CCDC188: variants seen among roughly 807,000 people sequenced by gnomAD.
The protein encoded by CCDC188 is coiled-coil domain-containing protein 188.
Under a neutral mutation model 50.7 loss-of-function variants are expected in CCDC188, and 37 were observed. The ratio of observed to expected loss-of-function variants is 0.73; its 90% CI spans 0.56 to 0.96. CCDC188 has a LOEUF of 0.96. Among genes scored for constraint, CCDC188 ranks in the 40% least tolerant of loss-of-function variants. CCDC188 has a pLI of 0.00. For missense variants in CCDC188, 453 were observed against 512.9 expected (o/e 0.88, Z 1.13); for synonymous variants, 208 against 228.0 (o/e 0.91, Z 0.79).
chr22:20,149,530 C>T (rs1219162399), intron 5 of CCDC188, 51 bp downstream of exon 5: 3 of 1,550,020 alleles, frequency 1.9e-6, no homozygotes, highest in Non-Finnish European at 2.6e-6. Flanking sequence ...CCTCCGTGGC[C>T]TCTCGCCCGC....
In CCDC188 at chr22:20,148,710, C is replaced by A; in HGVS notation, c.1113G>T (p.Leu371=). The A allele has an allele frequency of 1.3e-6, 2 of 1,537,310 alleles. No individual in the cohort carries two copies. The highest frequency in any genetic ancestry group is 1.8e-6 in the Non-Finnish European group (2 of 1,140,806). ...TGGCACGGCTCAGCAGGGGTGGCAC[C>A]AGCCCCTCGAAAGGTGTGGGGTTCA... The part of the protein sequence containing the change: ...YVVNPTPFEG[L]VPPLLSRATV... The change falls in exon 9 of 9, where the codon CTG becomes CTT. Residue 371 remains leucine, a synonymous_variant. Coordinates refer to ENST00000439765, the MANE Select transcript of CCDC188 (RefSeq NM_001365892.2).
rs2050587710 is a variant in CCDC188 at position 20,149,746 on chromosome 22, C to T, written c.767G>A (p.Arg256Lys). The change falls in exon 4 of 9, where the codon AGG becomes AAG. Residue 256 changes from arginine (R) to lysine (K), a missense_variant. Transcript: ENST00000439765. Reference sequence around the variant, plus strand: ...CACCTCTGTGATGACCATCTTCTTCCTCTCAAAGCACAGGCGGATCTGCTG... The same window carrying T: ...CACCTCTGTGATGACCATCTTCTTCTTCTCAAAGCACAGGCGGATCTGCTG... ...ELQQIRLCFE[R>K]KKMVITEVWD... 6.5e-7 allele frequency: 1 copy of T among 1,528,276 alleles called. No homozygotes were observed. 94.7% of individuals were successfully genotyped at this position (1,528,276 alleles called of 1,614,324 possible).
At position 20,148,894 on chromosome 22, in the gene CCDC188, C is replaced by T; in HGVS notation, c.1003G>A (p.Gly335Ser). ...KGRPKLGSSK[G>S]LAGQLWLLTL... ...ACCTACCAGAGCTGGCCTGCCAGGCCCTTGGAGCTTCCCAGCTTTGGCCTC... is the reference window on the plus strand; with the variant it reads ...ACCTACCAGAGCTGGCCTGCCAGGCTCTTGGAGCTTCCCAGCTTTGGCCTC... Residue 335 changes from glycine (G) to serine (S), a missense_variant, in exon 8 of 9, where the codon GGC becomes AGC. Gly to Ser is a moderately conservative substitution (Grantham distance 56). Transcript: ENST00000439765. 1.3e-6 allele frequency: 2 copies of T among 1,515,676 alleles called. No homozygotes were observed. The highest frequency in any genetic ancestry group is 8.9e-7 in the Non-Finnish European group (1 of 1,129,322). The allele number at this position is 1,515,676 out of a possible 1,614,324, so 93.9% of individuals were successfully genotyped here.
At chr22:20,150,300 G>A (rs1009473791) in intron 1 of CCDC188, 50 bp from the exon 2 acceptor site, 29 of 1,342,966 alleles carry the variant, frequency 2.2e-5, no homozygotes, top group African/African-American at 4.4e-5. Flanking sequence ...CCGCTCCTGC[G>A]GCTGGGGCTG....
At position 20,150,772 on chromosome 22, in the gene CCDC188, C is replaced by T. The variant is rs531695254; in HGVS notation, c.215G>A (p.Gly72Asp). 6 of 1,550,132 alleles carry T rather than the reference C, an allele frequency of 3.9e-6. No homozygotes were observed. In the South Asian group the frequency reaches 7.1e-5, roughly 18 times the overall value. ...GAGGSGPTVE[G>D]EAPGLFLSSQ... ...GGACAGAAAGAGCCCGGGAGCCTCG[C>T]CCTCCACTGTGGGCCCACTGCCCCC... is the stretch of plus-strand genomic sequence containing the variant. The change falls in exon 1 of 9, where the codon GGC becomes GAC. Residue 72 changes from glycine to aspartate, a missense_variant. Transcript: ENST00000439765.
At chr22:20,149,839 C>T (rs1173556962) in intron 3 of CCDC188, 59 bp from the exon 4 acceptor site, 23 of 1,482,848 alleles carry the variant, frequency 1.6e-5, no homozygotes, top group Non-Finnish European at 1.6e-5. Flanking sequence ...AGTACCTCCC[C>T]GCTGGGCCCA....
At position 20,150,610 on chromosome 22, in the gene CCDC188, G is replaced by C. The variant is rs1170808056; in HGVS notation, c.377C>G (p.Thr126Ser). 1.9e-6 allele frequency: 3 copies of C among 1,544,218 alleles called. No homozygotes were observed. Among genetic ancestry groups the C allele is most frequent in the Non-Finnish European group, 2.6e-6 (3 of 1,142,536 alleles). The change falls in exon 1 of 9, where the codon ACC becomes AGC. Residue 126 changes from threonine to serine, a missense_variant. Coordinates refer to ENST00000439765, the MANE Select transcript of CCDC188 (RefSeq NM_001365892.2). ...PRQGGSIGSG[T>S]RPCPCPPLSR... The stretch of plus-strand genomic sequence containing the variant: ...CAGGGGTGGGCATGGGCAGGGTCTG[G>C]TCCCTGAGCCAATGGATCCCCCCTG...
At position 20,150,594 on chromosome 22, in the gene CCDC188, G is replaced by T. The variant is rs749071645; in HGVS notation, c.393C>A (p.Cys131Ter). ...CCCCTCCCTCCCGTGACAGGGGTGGGCATGGGCAGGGTCTGGTCCCTGAGC... is the reference window on the plus strand; with the variant it reads ...CCCCTCCCTCCCGTGACAGGGGTGGTCATGGGCAGGGTCTGGTCCCTGAGC... The part of the protein sequence containing the change: ...SIGSGTRPCP[C>*]PPLSREGGAL... Residue 131 changes from cysteine to a stop codon, truncating the protein, a stop_gained, in exon 1 of 9, where the codon TGC (cysteine) becomes TGA (stop). Transcript: ENST00000439765. LOFTEE classifies it high-confidence loss of function. 1.9e-6 allele frequency: 3 copies of T among 1,546,560 alleles called. No homozygotes were observed. In the South Asian group the frequency reaches 3.6e-5, roughly 18 times the overall value.
In CCDC188 at chr22:20,149,358, C is replaced by G. The variant is rs2050575127; in HGVS notation, c.914+54G>C. On this transcript the variant is annotated intron_variant, in intron 6 of 8. Coordinates refer to ENST00000439765, the MANE Select transcript of CCDC188 (RefSeq NM_001365892.2). The stretch of plus-strand genomic sequence containing the variant: ...AAGGATGGGTCTGCCCTGTCCTGAC[C>G]AGGACACCTTCTGAGACCCTGCTCA... The G allele has an allele frequency of 6.5e-6, 10 of 1,549,250 alleles. No individual in the cohort carries two copies. In the East Asian group the frequency reaches 2.4e-4, roughly 38 times the overall value.
At chr22:20,149,300 C>A in intron 6 of CCDC188, 56 bp from the exon 7 acceptor site, 1 of 1,537,160 alleles carries the variant, frequency 6.5e-7, no homozygotes, top group Non-Finnish European at 8.8e-7. Context: ...CTGGCACCCA[C>A]CCCCTGGCTC....
chr22:20,148,434 A>C lies in CCDC188; in HGVS notation c.*180T>G. On this transcript the variant is annotated 3_prime_UTR_variant, in exon 9 of 9. Coordinates refer to ENST00000439765, the MANE Select transcript of CCDC188 (RefSeq NM_001365892.2). ...GACGTGCTCACCGGCCACTTATGTC[A>C]TGATTCTATGTCCAGCCACAGGCCC... The C allele has an allele frequency of 7.7e-7, 1 of 1,291,888 alleles. No individual in the cohort carries two copies. The highest frequency in any genetic ancestry group is 2.4e-5 in the South Asian group (1 of 41,776). The allele number at this position is 1,291,888 out of a possible 1,614,324, so 80.0% of individuals were successfully genotyped here. A position where few individuals can be genotyped will look rare whatever the true frequency, so the allele number is the denominator to read the frequency against.
chr22:20,149,664 TGAG>T lies in CCDC188; in HGVS notation c.790-27_790-25del, dbSNP rs111371556. On this transcript the variant is annotated intron_variant, in intron 4 of 8. Coordinates refer to ENST00000439765, the MANE Select transcript of CCDC188 (RefSeq NM_001365892.2). ...ACCTAGGGGGAGGTGGGGTCACGCCTGAGGAGCAGGACCCACTGGGTGGGCCCC... is the reference window on the plus strand; with the variant it reads ...ACCTAGGGGGAGGTGGGGTCACGCCTGAGCAGGACCCACTGGGTGGGCCCC... The T allele has an allele frequency of 3.9e-5, 61 of 1,548,806 alleles. No homozygotes were observed. In the Middle Eastern group the frequency reaches 5.0e-4, roughly 13 times the overall value.
chr22:20,149,224 G>T lies in CCDC188; in HGVS notation c.935C>A (p.Thr312Asn). Residue 312 changes from threonine to asparagine, a missense_variant, in exon 7 of 9, where the codon ACT becomes AAT. Physicochemically the swap from Thr to Asn is moderately conservative, Grantham distance 65. Transcript: ENST00000439765. ...CATCTGCTTCTCCTTCCTGGCTCGA[G>T]TGCGGCACTGGGCCCGCTCCCTGCG... ...EILRERAQCR[T>N]RARKEKQMAS... 6.8e-7 allele frequency: 1 copy of T among 1,476,104 alleles called. No individual in the cohort carries two copies. 91.4% of individuals were successfully genotyped at this position (1,476,104 alleles called of 1,614,324 possible). A position where few individuals can be genotyped will look rare whatever the true frequency, so the allele number is the denominator to read the frequency against.
chr22:20,148,776 C>T lies in CCDC188; in HGVS notation c.1047G>A (p.Leu349=), dbSNP rs959073310. The T allele has an allele frequency of 1.5e-5, 22 of 1,472,424 alleles. No individual in the cohort carries two copies. Among genetic ancestry groups the T allele is most frequent in the Admixed American group, 7.3e-5 (3 of 40,984 alleles). The allele number at this position is 1,472,424 out of a possible 1,614,324, so 91.2% of individuals were successfully genotyped here. A position where few individuals can be genotyped will look rare whatever the true frequency, so the allele number is the denominator to read the frequency against. ...QLWLLTLRLL[L]GALLVWTAAY... ...CAGCGGTCCAGACCAGCAGGGCGCCCAGCAGCAGCCTCAGGGTCAGCAGCC... is the reference window on the plus strand; with the variant it reads ...CAGCGGTCCAGACCAGCAGGGCGCCTAGCAGCAGCCTCAGGGTCAGCAGCC... The change falls in exon 9 of 9, where the codon CTG becomes CTA. Residue 349 remains leucine, a synonymous_variant. Transcript: ENST00000439765.
Position 20,149,502 on chromosome 22 carries a change from G to T in CCDC188, c.850-26C>A, listed in dbSNP as rs1458025170. Reference sequence around the variant, plus strand: ...CTGGGGGCCAGAGGAGGTAAGCACAGCAGGCCCCTCGCCCCGCCCTCCGTG... The same window carrying T: ...CTGGGGGCCAGAGGAGGTAAGCACATCAGGCCCCTCGCCCCGCCCTCCGTG... On this transcript the variant is annotated intron_variant, in intron 5 of 8. Transcript: ENST00000439765. The T allele has an allele frequency of 3.9e-6, 6 of 1,549,872 alleles. 1 individual carries two copies. The African/African-American group carries it at 4.1e-5, about 11-fold the overall frequency.
intron 8 of CCDC188, 24 bp from the exon 9 acceptor site, chr22:20,148,824 C>T: frequency 6.8e-7 from 1 of 1,460,850 alleles, no homozygotes; most frequent in Non-Finnish European, 9.1e-7. Flanking sequence ...TGGTCAGGGG[C>T]AGGGGCGCGC....
Position 20,150,628 on chromosome 22 carries a change from C to T in CCDC188, c.359G>A (p.Gly120Glu). 2.6e-6 allele frequency: 4 copies of T among 1,542,288 alleles called. No individual in the cohort carries two copies. The highest frequency in any genetic ancestry group is 2.4e-5 in the South Asian group (2 of 83,710). Residue 120 changes from glycine to glutamate, a missense_variant, in exon 1 of 9, where the codon GGA (glycine) becomes GAA (glutamate). Coordinates refer to ENST00000439765, the MANE Select transcript of CCDC188 (RefSeq NM_001365892.2). ...GGGTCTGGTCCCTGAGCCAATGGATCCCCCCTGCCTGGGAGCCCCCTGGTT... is the reference window on the plus strand; with the variant it reads ...GGGTCTGGTCCCTGAGCCAATGGATTCCCCCTGCCTGGGAGCCCCCTGGTT... ...GSNQGAPRQG[G>E]SIGSGTRPCP...
At chr22:20,149,297 C>G in intron 6 of CCDC188, 53 bp from the exon 7 acceptor site, 1 of 1,537,344 alleles carries the variant, frequency 6.5e-7, no homozygotes, top group Non-Finnish European at 8.8e-7. Flanking sequence ...AGCCTGGCAC[C>G]CACCCCCTGG....
At position 20,150,326 on chromosome 22, in the gene CCDC188, C is replaced by T. The variant is rs1261851566; in HGVS notation, c.520-76G>A. 2.8e-4 allele frequency: 293 copies of T among 1,033,130 alleles called. 1 individual carries two copies. The Middle Eastern group carries it at 3.7e-3, about 13-fold the overall frequency. 64.0% of individuals were successfully genotyped at this position (1,033,130 alleles called of 1,614,324 possible). On this transcript the variant is annotated intron_variant, in intron 1 of 8. Coordinates refer to ENST00000439765, the MANE Select transcript of CCDC188 (RefSeq NM_001365892.2). The stretch of plus-strand genomic sequence containing the variant: ...GCTGGGGCTGGGGCAGGGGCAGGGG[C>T]GCCAGGTGGTGGGTGGGGCTGGGGC...
Sources: gnomAD v4.1 joint callset for allele counts on GRCh38, gnomAD v4.1.1 for gene constraint, MANE v1.5 for transcripts, NCBI Gene and HGNC (gene_info 2026-07-23, HGNC 2026-07-21) for gene names.